The following SYCP2 variants were observed in gnomAD, a reference collection of about 807,000 sequenced individuals.
The protein encoded by SYCP2 is synaptonemal complex lateral element protein.
A neutral mutation model predicts 211.3 loss-of-function variants in SYCP2; 55 were observed. That is an observed-to-expected ratio of 0.26 (90% confidence interval 0.21 to 0.33). The LOEUF (loss-of-function observed/expected upper bound fraction) is 0.33, where lower values mean the gene tolerates loss of function less well. SYCP2 is among the 10% of genes least tolerant of loss of function. The probability of loss-of-function intolerance (pLI) is 1.00; values close to 1 mark genes in which losing one functional copy is unlikely to be tolerated. For missense variants in SYCP2, 1,731 were observed against 1,752.0 expected, an observed-to-expected ratio of 0.99 and a Z score of 0.21; for synonymous variants, 570 against 555.2, an observed-to-expected ratio of 1.03 and a Z score of -0.37.
At chr20:59,905,416 T>G (rs1454069885) in intron 15 of SYCP2, among the ~76,000 whole-genome samples, 3 of 152,148 alleles carry the variant, frequency 2.0e-5, no homozygotes, top group Non-Finnish European at 4.4e-5. Context: ...TACAATGGAC[T>G]AACACTCAGC....
In SYCP2 at chr20:59,907,344, GA is replaced by G. The variant is rs752998698; in HGVS notation, c.1033+19del. 16 of 1,538,400 alleles carry G rather than the reference GA, an allele frequency of 1.0e-5. No homozygotes were observed. Among genetic ancestry groups the G allele is most frequent in the Non-Finnish European group, 1.4e-5 (16 of 1,120,666 alleles). On this transcript the variant is annotated intron_variant, in intron 15 of 44. Coordinates refer to ENST00000357552, the MANE Select transcript of SYCP2 (RefSeq NM_014258.4). ...ATGGTAAGAATTAAGAAAATTATTA[GA>G]AAAAAACAAGTTTAATACCTTCAAT...
intron 35 of SYCP2, among the ~76,000 whole-genome samples, chr20:59,870,549 A>G (rs2145609590): frequency 6.6e-6 from 1 of 151,966 alleles, no homozygotes; most frequent in South Asian, 2.1e-4. Flanking sequence ...TGCAGGAAAT[A>G]AGACAAAAAA....
rs150243120 is a variant in SYCP2, at chr20:59,893,591, A to T, written c.1668T>A (p.His556Gln). ...GRHRRDNIDKHIKTAKCVENT... is the reference protein window; with the variant it reads ...GRHRRDNIDKQIKTAKCVENT... ...TTTCTACACACTTAGCAGTTTTGAT[A>T]TGCTGTAAACACAGGAAACAGGTTA... The change falls in exon 21 of 45, where the codon CAT (histidine) becomes CAA (glutamine). Residue 556 changes from histidine (H) to glutamine (Q), a missense_variant and splice_region_variant. Physicochemically the swap from His to Gln is conservative, Grantham distance 24. Transcript: ENST00000357552. 55 of 1,607,408 alleles carry T rather than the reference A, an allele frequency of 3.4e-5. No homozygotes were observed. Among genetic ancestry groups the T allele is most frequent in the Non-Finnish European group, 4.6e-5 (54 of 1,175,916 alleles).
rs377684299 is a variant in SYCP2, at chr20:59,887,904, G to A, written c.2365-1070C>T. ...AGTCAATATTATGAATTCCATGCCC[G>A]CAAATGTGATAGGCTAGATGAAATG... On this transcript the variant is annotated intron_variant, in intron 24 of 44. Coordinates refer to ENST00000357552, the MANE Select transcript of SYCP2 (RefSeq NM_014258.4). Among the ~76,000 whole-genome samples, 91 of 151,940 alleles carry A rather than the reference G, an allele frequency of 6.0e-4. 1 individual carries two copies. The South Asian group carries it at 0.017, about 28-fold the overall frequency.
chr20:59,920,227 G>A (rs2060515805), intron 5 of SYCP2, 132 bp downstream of exon 5: 3 of 762,456 alleles, frequency 3.9e-6, no homozygotes, highest in Non-Finnish European at 6.2e-6. Context: ...ACAAGTTATA[G>A]AAATGTTTTA....
chr20:59,919,252 C>A, intron 6 of SYCP2, 70 bp from the exon 7 acceptor site: 2 of 819,986 alleles, frequency 2.4e-6, no homozygotes, highest in Non-Finnish European at 3.9e-6. Context: ...TATTATAAAC[C>A]ATTACAAATG....
At chr20:59,866,124 C>T (rs888927810) in intron 41 of SYCP2, among the ~76,000 whole-genome samples, 169 bp downstream of exon 41, 2 of 151,686 alleles carry the variant, frequency 1.3e-5, no homozygotes, top group African/African-American at 2.4e-5. Context: ...AATTTAAGTT[C>T]GTACTTCAAA....
Position 59,864,297 on chromosome 20 carries a change from A to G in SYCP2, c.*14T>C. ...AATAATAATTAGATAAAGTATGGTG[A>G]TAAAAACTAGATTTCACACATTAGC... is the stretch of plus-strand genomic sequence containing the variant. On this transcript the variant is annotated 3_prime_UTR_variant, in exon 45 of 45. Coordinates refer to ENST00000357552, the MANE Select transcript of SYCP2 (RefSeq NM_014258.4). 1 of 1,551,578 alleles carries G rather than the reference A, an allele frequency of 6.4e-7. No individual in the cohort carries two copies. Among genetic ancestry groups the G allele is most frequent in the Non-Finnish European group, 8.8e-7 (1 of 1,132,410 alleles).
chr20:59,914,315 T>C (rs1219007030), intron 10 of SYCP2, 64 bp from the exon 11 acceptor site: 3 of 962,600 alleles, frequency 3.1e-6, no homozygotes, highest in Non-Finnish European at 4.6e-6. Flanking sequence ...AAAGACCATA[T>C]ATTTTACAAG....
At chr20:59,924,879 C>A (rs916007128) in intron 2 of SYCP2, among the ~76,000 whole-genome samples, 1 of 151,886 alleles carries the variant, frequency 6.6e-6, no homozygotes, top group Non-Finnish European at 1.5e-5. Context: ...CAAGGTAGAA[C>A]ATAAAGCAGT....
At chr20:59,911,949 G>T in intron 13 of SYCP2, 104 bp from the exon 14 acceptor site, 1 of 476,080 alleles carries the variant, frequency 2.1e-6, no homozygotes, top group Non-Finnish European at 3.7e-6. Flanking sequence ...AAGCTAGAAG[G>T]AGAGAGAAGA....
chr20:59,903,522 AAT>A (rs1333766904), intron 15 of SYCP2, among the ~76,000 whole-genome samples: 6 of 152,232 alleles, frequency 3.9e-5, no homozygotes, highest in African/African-American at 1.2e-4. Context: ...AGATACAAAA[AAT>A]ATGAACTGAT....
At chr20:59,928,163 A>T (rs2060668468) in intron 2 of SYCP2, among the ~76,000 whole-genome samples, 1 of 152,204 alleles carries the variant, frequency 6.6e-6, no homozygotes, top group African/African-American at 2.4e-5. Context: ...CCCAGGAAGA[A>T]AGAGGAATGC....
intron 33 of SYCP2, among the ~76,000 whole-genome samples, chr20:59,875,782 T>C (rs1354897106): frequency 6.6e-6 from 1 of 152,088 alleles, no homozygotes; most frequent in Non-Finnish European, 1.5e-5. Flanking sequence ...TTTGAGATAC[T>C]AAGGAGTTTG....
chr20:59,876,293 C>T (rs1176732340), intron 33 of SYCP2, among the ~76,000 whole-genome samples: 1 of 134,946 alleles, frequency 7.4e-6, no homozygotes, highest in African/African-American at 2.7e-5. Flanking sequence ...ATCGTTTGAA[C>T]ACTGGAGGCG....
At position 59,919,481 on chromosome 20, in the gene SYCP2, T is replaced by C. The variant is rs111542531; in HGVS notation, c.402+12A>G. The C allele has an allele frequency of 6.6e-5, 99 of 1,499,982 alleles. No individual in the cohort carries two copies. The African/African-American group carries it at 1.2e-3, about 18-fold the overall frequency. 92.9% of individuals were successfully genotyped at this position (1,499,982 alleles called of 1,614,324 possible). On this transcript the variant is annotated intron_variant, in intron 6 of 44. Transcript: ENST00000357552. ...GCTTTATAAATATCAGTGTAATCAA[T>C]GTGATTTTTACCAGCAGAAGATCAA...
chr20:59,871,151 T>C (rs1349252105), intron 35 of SYCP2, among the ~76,000 whole-genome samples: 1 of 151,640 alleles, frequency 6.6e-6, no homozygotes, highest in African/African-American at 2.4e-5. Flanking sequence ...TCATACAAAT[T>C]TGTAAGAAAA....
At chr20:59,914,852 T>G (rs2060405290) in intron 10 of SYCP2, among the ~76,000 whole-genome samples, 1 of 151,972 alleles carries the variant, frequency 6.6e-6, no homozygotes, top group African/African-American at 2.4e-5. Context: ...GCTATTATAT[T>G]AATCTATTAA....
chr20:59,928,354 A>G (rs1345394967), intron 2 of SYCP2, among the ~76,000 whole-genome samples: 1 of 152,174 alleles, frequency 6.6e-6, no homozygotes, highest in Non-Finnish European at 1.5e-5. Flanking sequence ...CCTATTCATT[A>G]ATGGAAGGAC....
Sources: gnomAD v4.1 joint callset for allele counts (sites outside exome capture counted in the v4.1 genomes callset) on GRCh38, gnomAD v4.1.1 for gene constraint, MANE v1.5 for transcripts, NCBI Gene and HGNC (gene_info 2026-07-23, HGNC 2026-07-21) for gene names.